Variants in GFRA1 observed in about 807,000 individuals in gnomAD.
The protein encoded by GFRA1 is GDNF family receptor alpha-1.
GFRA1 carries 16 observed loss-of-function variants against 51.6 expected under a neutral mutation model. That is an observed-to-expected ratio of 0.31 (90% CI 0.21 to 0.47). The LOEUF is 0.47. GFRA1 is among the 20% of genes least tolerant of loss of function. The pLI is 1.00. For synonymous variants in GFRA1, 270 were observed against 241.3 expected (o/e 1.12, Z -1.10); for missense variants, 530 against 594.3 (o/e 0.89, Z 1.13).
At chr10:116,072,692 G>A (rs1480231858) in intron 9 of GFRA1, among the ~76,000 whole-genome samples, 1 of 151,952 alleles carries the variant, frequency 6.6e-6, no homozygotes. Context: ...ACCCGGGAGG[G>A]GGAGGTTGCA....
intron 4 of GFRA1, among the ~76,000 whole-genome samples, chr10:116,228,848 G>C (rs536747796): frequency 6.6e-6 from 1 of 151,978 alleles, no homozygotes; most frequent in African/African-American, 2.4e-5. Flanking sequence ...CAGGAGTGGT[G>C]GTGGGCATCT....
chr10:116,170,054 C>T (rs555681203), intron 5 of GFRA1, among the ~76,000 whole-genome samples: 8 of 152,228 alleles, frequency 5.3e-5, no homozygotes, highest in African/African-American at 1.2e-4. Flanking sequence ...GGTTTGAGCA[C>T]GTGGAAGCAG....
At chr10:116,196,753 T>TAC (rs1963899010) in intron 5 of GFRA1, among the ~76,000 whole-genome samples, 10 of 84,748 alleles carry the variant, frequency 1.2e-4, no homozygotes, top group African/African-American at 3.9e-4. Flanking sequence ...ATAATATATA[T>TAC]TATATATTAT....
At chr10:116,189,090 T>TAAAA (rs137887314) in intron 5 of GFRA1, among the ~76,000 whole-genome samples, 1 of 112,136 alleles carries the variant, frequency 8.9e-6, no homozygotes. Flanking sequence ...CCTTGTCTCT[T>TAAAA]AAAAAAAAAA....
intron 8 of GFRA1, among the ~76,000 whole-genome samples, chr10:116,091,807 T>A (rs2530343): frequency 8.5e-5 from 13 of 152,068 alleles, no homozygotes; most frequent in Non-Finnish European, 1.6e-4. Flanking sequence ...CTAGTCATAG[T>A]GGAAATGGAA....
At chr10:116,114,585 G>C (rs3930988) in intron 6 of GFRA1, among the ~76,000 whole-genome samples, 1 of 152,096 alleles carries the variant, frequency 6.6e-6, no homozygotes, top group Non-Finnish European at 1.5e-5. Flanking sequence ...TTTTTAGAGA[G>C]AGGGTCTTGC....
intron 5 of GFRA1, among the ~76,000 whole-genome samples, chr10:116,194,914 C>T (rs1382561658): frequency 6.6e-6 from 1 of 152,190 alleles, no homozygotes; most frequent in Non-Finnish European, 1.5e-5. Flanking sequence ...AGAGACATTT[C>T]CCTGGCATTT....
intron 4 of GFRA1, among the ~76,000 whole-genome samples, chr10:116,267,940 A>ACAGACTAAC (rs1969796370): frequency 6.8e-6 from 1 of 146,392 alleles, no homozygotes; most frequent in African/African-American, 2.5e-5. Flanking sequence ...CTGACAGACT[A>ACAGACTAAC]ACACACACAC....
At chr10:116,117,019 CA>C (rs548841304) in intron 6 of GFRA1, among the ~76,000 whole-genome samples, 148 of 152,302 alleles carry the variant, frequency 9.7e-4, no homozygotes, top group African/African-American at 3.5e-3. Flanking sequence ...TCATGAAAGA[CA>C]GTCATCTGGA....
intron 5 of GFRA1, among the ~76,000 whole-genome samples, chr10:116,147,225 G>A (rs981062879): frequency 1.3e-5 from 2 of 152,174 alleles, no homozygotes; most frequent in South Asian, 2.1e-4. Flanking sequence ...CACGCTGAGT[G>A]CGCTTGTGTC....
At chr10:116,262,576 G>C (rs1289069153) in intron 4 of GFRA1, among the ~76,000 whole-genome samples, 1 of 152,096 alleles carries the variant, frequency 6.6e-6, no homozygotes, top group Non-Finnish European at 1.5e-5. Flanking sequence ...ATTGGAAAAG[G>C]CTCCTATTAG....
rs562068016 is a variant in GFRA1 at position 116,272,080 on chromosome 10, C to T, written c.-51G>A. 54 of 1,479,048 alleles carry T rather than the reference C, an allele frequency of 3.7e-5. No homozygotes were observed. In the East Asian group the frequency reaches 1.0e-3, roughly 28 times the overall value. 91.6% of individuals were successfully genotyped at this position (1,479,048 alleles called of 1,614,324 possible). A position where few individuals can be genotyped will look rare whatever the true frequency, so the allele number is the denominator to read the frequency against. On this transcript the variant is annotated 5_prime_UTR_variant, in exon 2 of 11. Coordinates refer to ENST00000355422, the MANE Select transcript of GFRA1 (RefSeq NM_005264.8). This position sits in a 1 kb window ranked among gnomAD's most constrained non-coding sequence, Gnocchi z 4.4. The stretch of plus-strand genomic sequence containing the variant: ...CCCCCCCAAAAAAATCCCGAGCCGC[C>T]GCTGGGTCTTGCCGAGGGAGCTCAG...
In GFRA1 at chr10:116,270,902, T is replaced by C. The variant is rs779144473; in HGVS notation, c.254A>G (p.Tyr85Cys). ...AMEALKQKSL[Y>C]NCRCKRGMKK... is the part of the protein sequence containing the mutation. ...CATACCCCGCTTGCAGCGGCAGTTG[T>C]AGAGCGACTTCTGCTTCAGGGCCTC... is the stretch of plus-strand genomic sequence containing the variant. The change falls in exon 3 of 11, where the codon TAC becomes TGC. Residue 85 changes from tyrosine to cysteine, a missense_variant. Coordinates refer to ENST00000355422, the MANE Select transcript of GFRA1 (RefSeq NM_005264.8). 1 of 1,614,076 alleles carries C rather than the reference T, an allele frequency of 6.2e-7. No homozygotes were observed. Among genetic ancestry groups the C allele is most frequent in the Non-Finnish European group, 8.5e-7 (1 of 1,180,002 alleles).
rs183905063 is a variant in GFRA1, at chr10:116,057,100, C to T, written c.*7298G>A. 35 of 152,224 alleles carry T rather than the reference C, an allele frequency of 2.3e-4. No individual in the cohort carries two copies. Among genetic ancestry groups the T allele is most frequent in the African/African-American group, 8.4e-4 (35 of 41,526 alleles). The allele number at this position is 152,224 out of a possible 1,614,324, so 9.4% of individuals were successfully genotyped here. ...TTGTACTTCTACAGGAGATGTTCTT[C>T]CAAGGGTGTTGGCAATAAAGGCTGT... On this transcript the variant is annotated 3_prime_UTR_variant, in exon 11 of 11. Coordinates refer to ENST00000355422, the MANE Select transcript of GFRA1 (RefSeq NM_005264.8).
intron 5 of GFRA1, among the ~76,000 whole-genome samples, chr10:116,163,130 G>A (rs749016570): frequency 1.2e-4 from 18 of 152,172 alleles, no homozygotes; most frequent in Non-Finnish European, 2.1e-4. Flanking sequence ...AGAGGAACCT[G>A]TTCATAAAGA....
intron 5 of GFRA1, among the ~76,000 whole-genome samples, chr10:116,136,934 C>T (rs34423134): frequency 0.21 from 32,221 of 152,086 alleles, 3,575 homozygotes; most frequent in African/African-American, 0.26. Context: ...GTGACTGAGA[C>T]GTCAGCTCTG....
intron 6 of GFRA1, among the ~76,000 whole-genome samples, chr10:116,106,933 C>T (rs2694792): frequency 0.17 from 26,367 of 152,086 alleles, 2,319 homozygotes; most frequent in East Asian, 0.22. Context: ...CTCTCTCTTG[C>T]TCTGGCTCTT....
At chr10:116,184,919 G>A (rs1962561492) in intron 5 of GFRA1, among the ~76,000 whole-genome samples, 1 of 152,142 alleles carries the variant, frequency 6.6e-6, no homozygotes, top group African/African-American at 2.4e-5. Flanking sequence ...GCCTTTTTTA[G>A]GCCCTCATGT....
chr10:116,271,207 G>C, intron 2 of GFRA1, 92 bp from the exon 3 acceptor site: 2 of 1,103,206 alleles, frequency 1.8e-6, no homozygotes, highest in Non-Finnish European at 2.6e-6. Flanking sequence ...GGTCAGGGAT[G>C]CTTGACCAGC....
Sources: gnomAD v4.1 joint callset for allele counts (sites outside exome capture counted in the v4.1 genomes callset) on GRCh38, gnomAD v4.1.1 for gene constraint, Gnocchi (gnomAD v3.1) non-coding constraint, MANE v1.5 for transcripts, NCBI Gene and HGNC (gene_info 2026-07-23, HGNC 2026-07-21) for gene names.